The following MFHAS1 variants were observed in gnomAD, a reference collection of about 807,000 sequenced individuals.
The protein encoded by MFHAS1 is multifunctional ROCO family signaling regulator 1.
A neutral mutation model predicts 70.4 loss-of-function variants in MFHAS1; 50 were observed. That is an observed-to-expected ratio of 0.71 (90% confidence interval 0.57 to 0.90). The LOEUF is 0.90. MFHAS1 is among the 40% of genes least tolerant of loss of function. MFHAS1 has a pLI of 0.00. For missense variants in MFHAS1, 1,795 were observed against 1,347.6 expected (o/e 1.33, Z -5.20); for synonymous variants, 952 against 620.0 (o/e 1.54, Z -7.96).
intron 1 of MFHAS1, among the ~76,000 whole-genome samples, chr8:8,877,990 T>G (rs1231010876): frequency 6.6e-6 from 1 of 152,184 alleles, no homozygotes; most frequent in East Asian, 1.9e-4. Flanking sequence ...CATTCTAACT[T>G]GAAATGCTCC....
At chr8:8,889,968 G>T in intron 1 of MFHAS1, 93 bp downstream of exon 1, 1 of 1,113,104 alleles carries the variant, frequency 9.0e-7, no homozygotes, top group Non-Finnish European at 1.3e-6. Context: ...AACCCGTGAA[G>T]TTAAACAAAC....
Position 8,784,308 on chromosome 8 carries a change from GCACA to G in MFHAS1, c.*1710_*1713del, listed in dbSNP as rs553513717. 1 of 151,910 alleles carries G rather than the reference GCACA, an allele frequency of 6.6e-6. No individual in the cohort carries two copies. Among genetic ancestry groups the G allele is most frequent in the African/African-American group, 2.4e-5 (1 of 41,438 alleles). 9.4% of individuals were successfully genotyped at this position (151,910 alleles called of 1,614,324 possible). On this transcript the variant is annotated 3_prime_UTR_variant, in exon 3 of 3. Transcript: ENST00000276282. ...TGCACACACACACACACGGAGACGC[GCACA>G]CACACACGAGAACTGTGACAAAAGG... is the stretch of plus-strand genomic sequence containing the variant.
chr8:8,848,920 A>G (rs1808135184), intron 1 of MFHAS1, among the ~76,000 whole-genome samples: 1 of 152,170 alleles, frequency 6.6e-6, no homozygotes, highest in African/African-American at 2.4e-5. Context: ...AGGTAGGAAG[A>G]GGGATTTACT....
intron 1 of MFHAS1, among the ~76,000 whole-genome samples, chr8:8,868,779 C>G (rs560456256): frequency 7.2e-5 from 11 of 152,316 alleles, no homozygotes; most frequent in African/African-American, 2.4e-4. Flanking sequence ...AACCTTACAA[C>G]TGGCTTCCAC....
At chr8:8,857,149 G>C (rs1253140250) in intron 1 of MFHAS1, among the ~76,000 whole-genome samples, 1 of 152,114 alleles carries the variant, frequency 6.6e-6, no homozygotes, top group Non-Finnish European at 1.5e-5. Context: ...TAAGCAAAGT[G>C]GAAGGGAAAA....
chr8:8,827,618 G>A (rs1321503666), intron 1 of MFHAS1, among the ~76,000 whole-genome samples: 3 of 152,156 alleles, frequency 2.0e-5, no homozygotes, highest in African/African-American at 7.2e-5. Context: ...CATGTGAAAG[G>A]AATTAGCTCT....
intron 1 of MFHAS1, among the ~76,000 whole-genome samples, chr8:8,816,377 T>C (rs919432795): frequency 1.3e-5 from 2 of 152,004 alleles, no homozygotes; most frequent in African/African-American, 2.4e-5. Context: ...CACCAAGAAA[T>C]ATCAATTGGG....
At chr8:8,858,780 A>G (rs1480312628) in intron 1 of MFHAS1, among the ~76,000 whole-genome samples, 1 of 152,190 alleles carries the variant, frequency 6.6e-6, no homozygotes, top group Non-Finnish European at 1.5e-5. Context: ...AGGTGGACCC[A>G]AGCAGTTCAA....
intron 1 of MFHAS1, among the ~76,000 whole-genome samples, chr8:8,844,397 C>T (rs1345736162): frequency 6.6e-6 from 1 of 152,198 alleles, no homozygotes; most frequent in Non-Finnish European, 1.5e-5. Flanking sequence ...TTCTTCAAAA[C>T]ATGACTCTAT....
chr8:8,801,292 T>G (rs1471690951), intron 1 of MFHAS1, among the ~76,000 whole-genome samples: 3 of 152,218 alleles, frequency 2.0e-5, no homozygotes, highest in Non-Finnish European at 4.4e-5. Context: ...TACCCCAGAC[T>G]GTCCACGTCA....
intron 1 of MFHAS1, among the ~76,000 whole-genome samples, chr8:8,828,683 G>A (rs938970341): frequency 1.4e-4 from 21 of 152,246 alleles, no homozygotes; most frequent in African/African-American, 5.1e-4. Flanking sequence ...GATGCCCACT[G>A]CCCACTAAGC....
chr8:8,816,653 A>C (rs1806757816), intron 1 of MFHAS1, among the ~76,000 whole-genome samples: 1 of 152,220 alleles, frequency 6.6e-6, no homozygotes, highest in Admixed American at 6.5e-5. Context: ...CTCTACGCAA[A>C]CATGTAGAAA....
intron 1 of MFHAS1, among the ~76,000 whole-genome samples, chr8:8,880,874 G>T (rs1191882910): frequency 6.6e-6 from 1 of 151,970 alleles, no homozygotes; most frequent in East Asian, 1.9e-4. Flanking sequence ...TAGTAGAGAT[G>T]AGGGTTCACC....
At chr8:8,855,889 C>A (rs548122719) in intron 1 of MFHAS1, among the ~76,000 whole-genome samples, 1 of 152,230 alleles carries the variant, frequency 6.6e-6, no homozygotes, top group East Asian at 1.9e-4. Context: ...ATGCTTTCTG[C>A]CGTTATTTTC....
At position 8,839,257 on chromosome 8, in the gene MFHAS1, T is replaced by C. The variant is rs540612907; in HGVS notation, c.2999-41766A>G. Among the ~76,000 whole-genome samples the C allele has an allele frequency of 2.1e-4, 32 of 152,324 alleles. No individual in the cohort carries two copies. In the South Asian group the frequency reaches 2.3e-3, roughly 11 times the overall value. ...GAAAGAGAAAAATAAAGTTTTTTTT[T>C]CTTCTCAACAGTATGCAAAGACTCT... On this transcript the variant is annotated intron_variant, in intron 1 of 2. Coordinates refer to ENST00000276282, the MANE Select transcript of MFHAS1 (RefSeq NM_004225.3).
At chr8:8,828,095 T>C (rs1209414760) in intron 1 of MFHAS1, among the ~76,000 whole-genome samples, 2 of 152,194 alleles carry the variant, frequency 1.3e-5, no homozygotes, top group Admixed American at 6.5e-5. Flanking sequence ...TGAAGCAGCC[T>C]ACATCTGCCA....
At chr8:8,803,294 C>A (rs572221113) in intron 1 of MFHAS1, among the ~76,000 whole-genome samples, 82 of 151,524 alleles carry the variant, frequency 5.4e-4, no homozygotes, top group African/African-American at 1.8e-3. Context: ...GGGGGCAGAT[C>A]ATTTGAGGTC....
chr8:8,846,448 A>T (rs1808043072), intron 1 of MFHAS1, among the ~76,000 whole-genome samples: 1 of 151,876 alleles, frequency 6.6e-6, no homozygotes, highest in African/African-American at 2.4e-5. Context: ...TCCTTGCCCA[A>T]ACTACTGCAA....
chr8:8,876,109 C>A (rs992742796), intron 1 of MFHAS1, among the ~76,000 whole-genome samples: 3 of 152,174 alleles, frequency 2.0e-5, no homozygotes, highest in Non-Finnish European at 4.4e-5. Flanking sequence ...TTGTTCTAAG[C>A]ATTTAACACA....
Sources: allele counts gnomAD v4.1 joint callset (sites outside exome capture counted in the v4.1 genomes callset), GRCh38; gene constraint gnomAD v4.1.1; transcripts MANE v1.5; gene names NCBI Gene and HGNC (gene_info 2026-07-23, HGNC 2026-07-21).